Variants in SPATA9 observed in about 807,000 individuals in gnomAD.
SPATA9 encodes spermatogenesis associated 9, also known as spermatogenesis-associated protein 9.
Under a neutral mutation model 25.5 loss-of-function variants are expected in SPATA9, and 27 were observed. The observed-to-expected ratio is 1.06, with a 90% confidence interval of 0.78 to 1.46. SPATA9 has a LOEUF of 1.46. Ranked by LOEUF, SPATA9 falls within the 40% of genes most tolerant of loss-of-function variation. The pLI is 0.00. For missense variants in SPATA9, 282 were observed against 297.5 expected (o/e 0.95, Z 0.38); for synonymous variants, 102 against 105.7 (o/e 0.97, Z 0.21).
At chr5:95,673,723 A>C (rs1242852299) in intron 3 of SPATA9, among the ~76,000 whole-genome samples, 13 of 150,702 alleles carry the variant, frequency 8.6e-5, no homozygotes, top group Admixed American at 7.9e-4. Flanking sequence ...TTTGCTTTTT[A>C]TTTTCCTTTT....
In SPATA9 at chr5:95,660,373, G is replaced by A. The variant is rs141748048; in HGVS notation, c.475-1460C>T. On this transcript the variant is annotated intron_variant, in intron 4 of 4. Transcript: ENST00000274432. Reference sequence around the variant, plus strand: ...ACCTTGGGATTAGATTTTAACATAAGAATTTGGGGGAAGCACGGACATTCA... The same window carrying A: ...ACCTTGGGATTAGATTTTAACATAAAAATTTGGGGGAAGCACGGACATTCA... 1.4e-3 allele frequency among the ~76,000 whole-genome samples: 208 copies of A among 152,248 alleles called. 3 individuals are homozygous for A. Among genetic ancestry groups the A allele is most frequent in the Middle Eastern group, 0.01 (3 of 294 alleles).
At chr5:95,700,345 A>G (rs1336999174), upstream of SPATA9, among the ~76,000 whole-genome samples, 3 of 151,822 alleles carry the variant, frequency 2.0e-5, no homozygotes, top group African/African-American at 7.3e-5. Flanking sequence ...CATCACCCAG[A>G]CTGGAGTGCA....
chr5:95,709,184 C>A, the SPATA9 span, among the ~76,000 whole-genome samples: 2 of 152,194 alleles, frequency 1.3e-5, no homozygotes, highest in African/African-American at 4.8e-5. Context: ...AGGGCCCCAT[C>A]TGTTCAGGAA....
At chr5:95,722,359 G>A in the SPATA9 span, among the ~76,000 whole-genome samples, 1 of 152,120 alleles carries the variant, frequency 6.6e-6, no homozygotes, top group Admixed American at 6.5e-5. Context: ...CTAACATACT[G>A]TATTTCTGTA....
upstream of SPATA9, among the ~76,000 whole-genome samples, chr5:95,685,873 C>G (rs1753731264): frequency 1.3e-5 from 2 of 152,158 alleles, no homozygotes; most frequent in African/African-American, 4.8e-5. Flanking sequence ...GTCTCACTCT[C>G]TCACCCAAGC....
At chr5:95,663,842 G>T in intron 4 of SPATA9, 111 bp downstream of exon 4, 1 of 542,242 alleles carries the variant, frequency 1.8e-6, no homozygotes. Context: ...TGTGTAACGA[G>T]ACTGTGAATG....
At chr5:95,729,950 G>A in the SPATA9 span, among the ~76,000 whole-genome samples, 1 of 152,076 alleles carries the variant, frequency 6.6e-6, no homozygotes, top group Middle Eastern at 3.4e-3. Context: ...TGGGTTTCCG[G>A]AAAAGACTGA....
chr5:95,731,845 C>T, the SPATA9 span: 2,769 of 1,608,482 alleles, frequency 1.7e-3, 5 homozygotes, highest in Non-Finnish European at 2.2e-3. Flanking sequence ...CCCTCGCCCC[C>T]TCTGTCCGTG....
At chr5:95,727,195 T>A in the SPATA9 span, among the ~76,000 whole-genome samples, 1 of 152,230 alleles carries the variant, frequency 6.6e-6, no homozygotes, top group East Asian at 1.9e-4. Context: ...TAAGATGCCT[T>A]TGTCAGAGTT....
At chr5:95,696,884 A>G (rs1294489131) in intron 1 of SPATA9, among the ~76,000 whole-genome samples, 1 of 152,174 alleles carries the variant, frequency 6.6e-6, no homozygotes, top group African/African-American at 2.4e-5. Context: ...ACAAAACGGT[A>G]ATTTCTTAAA....
At chr5:95,654,695 A>C (rs1750620743), downstream of SPATA9, among the ~76,000 whole-genome samples, 1 of 152,202 alleles carries the variant, frequency 6.6e-6, no homozygotes, top group Non-Finnish European at 1.5e-5. Context: ...CATGCTGTGG[A>C]ATAACTGTAC....
the SPATA9 span, chr5:95,731,478 C>A: frequency 8.2e-7 from 1 of 1,225,794 alleles, no homozygotes; most frequent in Non-Finnish European, 1.0e-6. Flanking sequence ...ATCCCCCGCC[C>A]GCTAGCCCGC....
At chr5:95,722,666 T>C in the SPATA9 span, among the ~76,000 whole-genome samples, 2 of 152,276 alleles carry the variant, frequency 1.3e-5, no homozygotes, top group South Asian at 4.1e-4. Flanking sequence ...ATTTTTGTAT[T>C]TTTAGTAGAG....
rs750070804 is a variant in SPATA9, at chr5:95,658,812, G to T, written c.576C>A (p.Ala192=). 4.3e-6 allele frequency: 7 copies of T among 1,613,772 alleles called. No homozygotes were observed. In the African/African-American group the frequency reaches 5.3e-5, roughly 12 times the overall value. The change falls in exon 5 of 5, where the codon GCC becomes GCA. Residue 192 remains alanine (A), a synonymous_variant. Transcript: ENST00000274432. Reference sequence around the variant, plus strand: ...GCTCCGAAAGCACAGGCTCAGAAAAGGCTTTTCTACAATTTTCACTCTCCT... The same window carrying T: ...GCTCCGAAAGCACAGGCTCAGAAAATGCTTTTCTACAATTTTCACTCTCCT... The part of the protein sequence containing the change: ...NREESENCRK[A]FSEPVLSEPM...
intron 1 of SPATA9, among the ~76,000 whole-genome samples, chr5:95,689,136 G>A (rs572748933): frequency 5.9e-5 from 9 of 152,240 alleles, no homozygotes; most frequent in African/African-American, 2.2e-4. Context: ...TGGCTCATGT[G>A]ACACATCCCA....
At chr5:95,685,407 A>G (rs1055456210), upstream of SPATA9, among the ~76,000 whole-genome samples, 6 of 152,152 alleles carry the variant, frequency 3.9e-5, no homozygotes, top group Non-Finnish European at 5.9e-5. Flanking sequence ...TTACCTACCA[A>G]TCCTCAAAAC....
At chr5:95,683,336 A>G (rs970679500), upstream of SPATA9, among the ~76,000 whole-genome samples, 3 of 152,160 alleles carry the variant, frequency 2.0e-5, no homozygotes, top group Non-Finnish European at 2.9e-5. Context: ...TGCTTCACCA[A>G]TGAGGATCAC....
chr5:95,678,076 A>T (rs1432278111), intron 2 of SPATA9, among the ~76,000 whole-genome samples: 1 of 152,138 alleles, frequency 6.6e-6, no homozygotes. Flanking sequence ...TCAAGCCAAG[A>T]TTCTAAAATT....
chr5:95,654,820 T>C (rs548935760), downstream of SPATA9, among the ~76,000 whole-genome samples: 11 of 151,096 alleles, frequency 7.3e-5, no homozygotes, highest in African/African-American at 2.7e-4. Flanking sequence ...TGAGATCTCT[T>C]TTTTCATCAA....
Sources: allele counts gnomAD v4.1 joint callset (sites outside exome capture counted in the v4.1 genomes callset), GRCh38; gene constraint gnomAD v4.1.1; transcripts MANE v1.5; gene names NCBI Gene and HGNC (gene_info 2026-07-23, HGNC 2026-07-21).